Variants in RPRD2 observed in about 807,000 individuals in gnomAD.
RPRD2 encodes the protein regulation of nuclear pre-mRNA domain-containing protein 2.
A neutral mutation model predicts 104.4 loss-of-function variants in RPRD2; 12 were observed. The ratio of observed to expected loss-of-function variants is 0.11; its 90% CI spans 0.07 to 0.19. The LOEUF (loss-of-function observed/expected upper bound fraction) is 0.19. Ranked by LOEUF, RPRD2 falls within the 10% of genes least tolerant of loss-of-function variation. The pLI is 1.00. For synonymous variants in RPRD2, 714 were observed against 684.9 expected (o/e 1.04, Z -0.66); for missense variants, 1,543 against 1,790.1 (o/e 0.86, Z 2.49).
chr1:150,456,698 A>C (rs12130619), intron 7 of RPRD2, among the ~76,000 whole-genome samples: 2 of 150,626 alleles, frequency 1.3e-5, no homozygotes, highest in South Asian at 2.1e-4. Flanking sequence ...GCCGAGGTGC[A>C]TGGATTACCT....
At chr1:150,373,722 C>A (rs952626115) in intron 1 of RPRD2, among the ~76,000 whole-genome samples, 1 of 151,862 alleles carries the variant, frequency 6.6e-6, no homozygotes, top group Non-Finnish European at 1.5e-5. Context: ...AAAATATACT[C>A]ATTTAAAGTG....
At position 150,427,422 on chromosome 1, in the gene RPRD2, G is replaced by A. The variant is rs587747152; in HGVS notation, c.335+9697G>A. On this transcript the variant is annotated intron_variant, in intron 2 of 10. Transcript: ENST00000369068. ...CAGGAGGCAGAGATTGCAGTGAGCC[G>A]AGATTGCCCCACTGCACTCCAGCCT... Among the ~76,000 whole-genome samples, 239 of 150,630 alleles carry A rather than the reference G, an allele frequency of 1.6e-3. 1 individual carries two copies. The highest frequency in any genetic ancestry group is 5.4e-3 in the African/African-American group (223 of 40,996).
At chr1:150,429,077 A>T in intron 2 of RPRD2, among the ~76,000 whole-genome samples, 1 of 149,946 alleles carries the variant, frequency 6.7e-6, no homozygotes, top group East Asian at 2.0e-4. Flanking sequence ...GTGAAAATTG[A>T]CATTGTGGTC....
At chr1:150,462,870 T>G (rs1381374735) in intron 9 of RPRD2, among the ~76,000 whole-genome samples, 1 of 152,174 alleles carries the variant, frequency 6.6e-6, no homozygotes, top group Non-Finnish European at 1.5e-5. Flanking sequence ...TTTATTTATT[T>G]TGAGACAAGG....
At chr1:150,455,688 T>G (rs1667481523) in intron 7 of RPRD2, among the ~76,000 whole-genome samples, 1 of 151,622 alleles carries the variant, frequency 6.6e-6, no homozygotes, top group Non-Finnish European at 1.5e-5. Flanking sequence ...TAATTATGAA[T>G]ATTGATTCAT....
chr1:150,396,977 T>C (rs1031381346), intron 1 of RPRD2, among the ~76,000 whole-genome samples: 1 of 152,142 alleles, frequency 6.6e-6, no homozygotes, highest in Non-Finnish European at 1.5e-5. Flanking sequence ...ATTTTCTTTC[T>C]TTATTTTTAT....
chr1:150,437,300 A>C (rs587633847), intron 2 of RPRD2, among the ~76,000 whole-genome samples: 1 of 152,260 alleles, frequency 6.6e-6, no homozygotes, highest in East Asian at 1.9e-4. Context: ...GATCGAGACC[A>C]TCCTGGCCAA....
intron 2 of RPRD2, among the ~76,000 whole-genome samples, chr1:150,422,381 AT>A (rs1377206074): frequency 1.1e-5 from 1 of 91,560 alleles, no homozygotes; most frequent in African/African-American, 4.6e-5. Flanking sequence ...TAAAATTAAA[AT>A]AAAAAAATAA....
chr1:150,400,545 T>C (rs1662898218), intron 1 of RPRD2, among the ~76,000 whole-genome samples: 1 of 152,168 alleles, frequency 6.6e-6, no homozygotes, highest in Non-Finnish European at 1.5e-5. Context: ...TTTATGCTCC[T>C]ATGAGAATCT....
intron 10 of RPRD2, among the ~76,000 whole-genome samples, chr1:150,465,548 G>T (rs1413116736): frequency 6.6e-6 from 1 of 152,164 alleles, no homozygotes; most frequent in Non-Finnish European, 1.5e-5. Flanking sequence ...TCAGTAAGGT[G>T]AAAAGATCTG....
intron 1 of RPRD2, among the ~76,000 whole-genome samples, chr1:150,382,280 A>G (rs1218423525): frequency 6.6e-6 from 1 of 152,146 alleles, no homozygotes; most frequent in Non-Finnish European, 1.5e-5. Context: ...CTGTTTTCCT[A>G]TTTTGATTAT....
At chr1:150,395,513 C>CTTTTTTTT (rs71086506) in intron 1 of RPRD2, among the ~76,000 whole-genome samples, 2 of 131,650 alleles carry the variant, frequency 1.5e-5, no homozygotes, top group Non-Finnish European at 3.2e-5. Context: ...ATGCAAATAT[C>CTTTTTTTT]TTTTTTTTTT....
chr1:150,465,810 G>C (rs1467982939), intron 10 of RPRD2, among the ~76,000 whole-genome samples: 1 of 152,032 alleles, frequency 6.6e-6, no homozygotes, highest in Non-Finnish European at 1.5e-5. Flanking sequence ...TGTAATCCCG[G>C]CACTTTGGGA....
intron 1 of RPRD2, among the ~76,000 whole-genome samples, chr1:150,397,623 T>C (rs1344865899): frequency 6.6e-6 from 1 of 152,218 alleles, no homozygotes; most frequent in Non-Finnish European, 1.5e-5. Context: ...AAAACATACA[T>C]AGCAAAATTT....
At position 150,446,352 on chromosome 1, in the gene RPRD2, C is replaced by G. The variant is rs782703433; in HGVS notation, c.821C>G (p.Ala274Gly). The G allele has an allele frequency of 6.2e-7, 1 of 1,609,630 alleles. No homozygotes were observed. Among genetic ancestry groups the G allele is most frequent in the South Asian group, 1.1e-5 (1 of 90,238 alleles). ...TCATTAACAGAAGCACTGGAAAATG[C>G]TGGAATTTTCTATGAAGCACAATAC... ...GPSLTEALEN[A>G]GIFYEAQYKE... Residue 274 changes from alanine (A) to glycine (G), a missense_variant, in exon 7 of 11, where the codon GCT (alanine) becomes GGT (glycine). Ala to Gly is a moderately conservative substitution (Grantham distance 60). Around this residue, in one of 4 missense-constraint regions of RPRD2, gnomAD observed 572 missense variants for 787.3 expected, o/e 0.73. Transcript: ENST00000369068.
chr1:150,407,703 T>G (rs368084922), intron 1 of RPRD2, among the ~76,000 whole-genome samples: 10 of 152,324 alleles, frequency 6.6e-5, no homozygotes, highest in African/African-American at 2.2e-4. Context: ...ACTAAGTGAT[T>G]TTAAGGAAGT....
rs587616281 is a variant in RPRD2 at position 150,400,543 on chromosome 1, C to T, written c.206-17053C>T. ...CGCAGTTAACAATAGAGTTTATGCTCCTATGAGAATCTAATGATGCCACTG... is the reference window on the plus strand; with the variant it reads ...CGCAGTTAACAATAGAGTTTATGCTTCTATGAGAATCTAATGATGCCACTG... On this transcript the variant is annotated intron_variant, in intron 1 of 10. Coordinates refer to ENST00000369068, the MANE Select transcript of RPRD2 (RefSeq NM_015203.5). Among the ~76,000 whole-genome samples the T allele has an allele frequency of 6.6e-5, 10 of 152,202 alleles. No individual in the cohort carries two copies. In the South Asian group the frequency reaches 1.9e-3, roughly 28 times the overall value.
Position 150,364,626 on chromosome 1 carries a change from A to T in RPRD2, c.-89A>T. On this transcript the variant is annotated 5_prime_UTR_variant, in exon 1 of 11. Coordinates refer to ENST00000369068, the MANE Select transcript of RPRD2 (RefSeq NM_015203.5). ...GCTTCCCTCCCCACCTACGGCTTTC[A>T]CGCACTCGCAGTGATTGTTTTGCCC... 1.5e-6 allele frequency: 1 copy of T among 673,214 alleles called. No homozygotes were observed. The allele number at this position is 673,214 out of a possible 1,614,324, so 41.7% of individuals were successfully genotyped here.
rs1457114529 is a variant in RPRD2 at position 150,377,453 on chromosome 1, C to T, written c.205+12534C>T. Among the ~76,000 whole-genome samples the T allele has an allele frequency of 2.0e-5, 3 of 151,862 alleles. 1 individual carries two copies. The highest frequency in any genetic ancestry group is 4.4e-5 in the Non-Finnish European group (3 of 67,992). ...CTCTACTAAAAATACAAAAAATTAG[C>T]CAGGCGTGGTGGCGGGCGCCTGTAG... On this transcript the variant is annotated intron_variant, in intron 1 of 10. Coordinates refer to ENST00000369068, the MANE Select transcript of RPRD2 (RefSeq NM_015203.5).
Sources: allele counts gnomAD v4.1 joint callset (sites outside exome capture counted in the v4.1 genomes callset), GRCh38; gene constraint gnomAD v4.1.1; regional missense constraint gnomAD v4.1.1; transcripts MANE v1.5; gene names NCBI Gene and HGNC (gene_info 2026-07-23, HGNC 2026-07-21).